TMED8: variants seen among roughly 807,000 people sequenced by gnomAD.
TMED8 encodes the protein protein TMED8.
Under a neutral mutation model 32.7 loss-of-function variants are expected in TMED8, and 15 were observed. That is an observed-to-expected ratio of 0.46 (90% confidence interval 0.31 to 0.71). TMED8 has a LOEUF of 0.71. TMED8 is among the 30% of genes least tolerant of loss of function. The pLI is 0.06. For missense variants in TMED8, 390 were observed against 423.9 expected (o/e 0.92, Z 0.70); for synonymous variants, 147 against 161.4 (o/e 0.91, Z 0.68).
chr14:77,371,980 A>G (rs1893686594), intron 1 of TMED8, among the ~76,000 whole-genome samples: 1 of 152,228 alleles, frequency 6.6e-6, no homozygotes, highest in Non-Finnish European at 1.5e-5. Flanking sequence ...TTAGAATGAA[A>G]CTTTTAAGTG....
chr14:77,352,100 A>C (rs990936812), intron 1 of TMED8, among the ~76,000 whole-genome samples: 2 of 152,046 alleles, frequency 1.3e-5, no homozygotes, highest in Middle Eastern at 3.4e-3. Flanking sequence ...AGGAGTTCAA[A>C]ACCAGCCTGG....
At position 77,336,209 on chromosome 14, in the gene TMED8, A is replaced by C. The variant is rs1357147746; in HGVS notation, c.*5562T>G. ...ATATTATTTTGCCCCCAGATAAGCCACAACTACCTGCTTAAATTTTTTTTT... is the reference window on the plus strand; with the variant it reads ...ATATTATTTTGCCCCCAGATAAGCCCCAACTACCTGCTTAAATTTTTTTTT... On this transcript the variant is annotated 3_prime_UTR_variant, in exon 6 of 6. Transcript: ENST00000216468. 5.9e-5 allele frequency: 9 copies of C among 152,334 alleles called. No homozygotes were observed. The highest frequency in any genetic ancestry group is 2.1e-4 in the South Asian group (1 of 4,830). The allele number at this position is 152,334 out of a possible 1,614,324, so 9.4% of individuals were successfully genotyped here. A position where few individuals can be genotyped will look rare whatever the true frequency, so the allele number is the denominator to read the frequency against.
In TMED8 at chr14:77,335,208, A is replaced by T. The variant is rs549253991; in HGVS notation, c.*6563T>A. The stretch of plus-strand genomic sequence containing the variant: ...AACACACCCAGTGCCACAGGGTGAT[A>T]AAAATGGTATTTTAAAAGAAAAACC... On this transcript the variant is annotated 3_prime_UTR_variant, in exon 6 of 6. Transcript: ENST00000216468. 34 of 152,346 alleles carry T rather than the reference A, an allele frequency of 2.2e-4. No homozygotes were observed. The highest frequency in any genetic ancestry group is 7.5e-4 in the African/African-American group (31 of 41,576). The allele number at this position is 152,346 out of a possible 1,614,324, so 9.4% of individuals were successfully genotyped here.
chr14:77,374,978 C>G (rs1222216373), intron 1 of TMED8, among the ~76,000 whole-genome samples: 1 of 152,186 alleles, frequency 6.6e-6, no homozygotes, highest in Non-Finnish European at 1.5e-5. Context: ...TTCATCCAGA[C>G]AGTAAAAACT....
intron 1 of TMED8, among the ~76,000 whole-genome samples, chr14:77,364,343 C>T (rs762819560): frequency 6.6e-6 from 1 of 151,712 alleles, no homozygotes; most frequent in African/African-American, 2.4e-5. Flanking sequence ...CTTAACCTCT[C>T]GAGTAGCTCC....
chr14:77,369,848 T>C (rs1893636700), intron 1 of TMED8, among the ~76,000 whole-genome samples: 1 of 152,170 alleles, frequency 6.6e-6, no homozygotes, highest in Admixed American at 6.5e-5. Flanking sequence ...AATCTGAATA[T>C]ACCTTAGTGA....
chr14:77,370,993 T>A (rs567622924), intron 1 of TMED8, among the ~76,000 whole-genome samples: 1 of 152,178 alleles, frequency 6.6e-6, no homozygotes, highest in South Asian at 2.1e-4. Flanking sequence ...CATACTACTG[T>A]GTACTTTGTT....
chr14:77,376,674 T>C lies in TMED8; in HGVS notation c.118+262A>G, dbSNP rs550374401. 4.3e-5 allele frequency: 12 copies of C among 279,506 alleles called. No individual in the cohort carries two copies. The South Asian group carries it at 2.0e-3, about 46-fold the overall frequency. 17.3% of individuals were successfully genotyped at this position (279,506 alleles called of 1,614,324 possible). ...AGAGGCGCCAGGGGCAGAGCCACCC[T>C]GTCACTACCATTTGGGCAGATCTCA... is the stretch of plus-strand genomic sequence containing the variant. On this transcript the variant is annotated intron_variant, in intron 1 of 5. Coordinates refer to ENST00000216468, the MANE Select transcript of TMED8 (RefSeq NM_213601.3). This position sits in a 1 kb window ranked among gnomAD's most constrained non-coding sequence, Gnocchi z 4.0.
At chr14:77,363,475 G>A (rs553478203) in intron 1 of TMED8, among the ~76,000 whole-genome samples, 1 of 152,098 alleles carries the variant, frequency 6.6e-6, no homozygotes, top group East Asian at 1.9e-4. Flanking sequence ...GTTCTAAGAA[G>A]AATGTTGATA....
intron 1 of TMED8, among the ~76,000 whole-genome samples, chr14:77,372,906 T>TTTATATATA (rs1227686477): frequency 5.7e-5 from 2 of 35,332 alleles, no homozygotes; most frequent in Non-Finnish European, 1.0e-4. Flanking sequence ...GCCACAGATA[T>TTTATATATA]TATATATATA....
At position 77,341,838 on chromosome 14, in the gene TMED8, T is replaced by G. The variant is rs1263946619; in HGVS notation, c.911A>C (p.Lys304Thr). The change falls in exon 6 of 6, where the codon AAG becomes ACG. Residue 304 changes from lysine (K) to threonine (T), a missense_variant. Lys to Thr is a moderately conservative substitution (Grantham distance 78, BLOSUM62 -1). Transcript: ENST00000216468. ...CAGCAGGGAGTAGGAGTTGTCGAAC[T>G]TGAGCAGGTAGATGCCCTCACCAGG... is the stretch of plus-strand genomic sequence containing the variant. The part of the protein sequence containing the change: ...DYPGEGIYLL[K>T]FDNSYSLLRN... The G allele has an allele frequency of 6.2e-7, 1 of 1,613,398 alleles. No homozygotes were observed. Among genetic ancestry groups the G allele is most frequent in the Non-Finnish European group, 8.5e-7 (1 of 1,179,976 alleles).
intron 1 of TMED8, among the ~76,000 whole-genome samples, chr14:77,372,514 C>T (rs983261981): frequency 6.6e-6 from 1 of 152,170 alleles, no homozygotes; most frequent in Non-Finnish European, 1.5e-5. Flanking sequence ...TGGTTACAGA[C>T]TCAAGAGGCT....
chr14:77,345,448 C>A (rs1893002973), intron 3 of TMED8, among the ~76,000 whole-genome samples: 1 of 152,054 alleles, frequency 6.6e-6, no homozygotes, highest in Admixed American at 6.6e-5. Context: ...TAATACCAAC[C>A]ATTATTCTAA....
intron 2 of TMED8, among the ~76,000 whole-genome samples, chr14:77,346,784 T>TTTG (rs878913262): frequency 7.3e-6 from 1 of 136,276 alleles, no homozygotes; most frequent in African/African-American, 2.8e-5. Context: ...TTTTTTTTTT[T>TTTG]GTCATTGTTG....
At chr14:77,345,422 G>A (rs902487082) in intron 3 of TMED8, among the ~76,000 whole-genome samples, 2 of 152,116 alleles carry the variant, frequency 1.3e-5, no homozygotes, top group East Asian at 1.9e-4. Flanking sequence ...ACGCCTGGTG[G>A]TGTCTTCATT....
chr14:77,346,404 T>C lies in TMED8; in HGVS notation c.272A>G (p.Gln91Arg). Residue 91 changes from glutamine (Q) to arginine (R), a missense_variant, in exon 3 of 6, where the codon CAG (glutamine) becomes CGG (arginine). By Grantham distance (43) the Gln-to-Arg change is conservative. Transcript: ENST00000216468. Reference sequence around the variant, plus strand: ...CAGCAAATCCTGTTTCACCAAGGCCTGAGCCTCCAAAGGACCAGTTGCTTT... The same window carrying C: ...CAGCAAATCCTGTTTCACCAAGGCCCGAGCCTCCAAAGGACCAGTTGCTTT... The part of the protein sequence containing the change: ...LRKATGPLEA[Q>R]ALVKQDLLPA... 6.2e-7 allele frequency: 1 copy of C among 1,614,158 alleles called. No homozygotes were observed. Among genetic ancestry groups the C allele is most frequent in the Admixed American group, 1.7e-5 (1 of 60,020 alleles).
At chr14:77,358,159 A>G (rs2139621717) in intron 1 of TMED8, among the ~76,000 whole-genome samples, 1 of 143,442 alleles carries the variant, frequency 7.0e-6, no homozygotes, top group Non-Finnish European at 1.5e-5. Context: ...TTGTATTTAA[A>G]GACCACAATC....
intron 1 of TMED8, among the ~76,000 whole-genome samples, chr14:77,355,499 A>C (rs1893272345): frequency 6.6e-6 from 1 of 152,100 alleles, no homozygotes; most frequent in African/African-American, 2.4e-5. Flanking sequence ...GCCAATAAAC[A>C]CTTTTAATGA....
At chr14:77,373,563 C>T (rs561977456) in intron 1 of TMED8, among the ~76,000 whole-genome samples, 70 of 152,246 alleles carry the variant, frequency 4.6e-4, no homozygotes, top group African/African-American at 1.6e-3. Flanking sequence ...AACATGAAGA[C>T]ACTCAATAGG....
Sources: gnomAD v4.1 joint callset for allele counts (sites outside exome capture counted in the v4.1 genomes callset) on GRCh38, gnomAD v4.1.1 for gene constraint, Gnocchi (gnomAD v3.1) non-coding constraint, MANE v1.5 for transcripts, NCBI Gene and HGNC (gene_info 2026-07-23, HGNC 2026-07-21) for gene names.